Variants in ZNF782 observed in about 807,000 individuals in gnomAD.
The protein encoded by ZNF782 is zinc finger protein 782.
Under a neutral mutation model 13.0 loss-of-function variants are expected in ZNF782, and 12 were observed. That is an observed-to-expected ratio of 0.92 (90% confidence interval 0.59 to 1.50). The LOEUF (loss-of-function observed/expected upper bound fraction) is 1.50. ZNF782 is among the 40% of genes most tolerant of loss of function. ZNF782 has a pLI of 0.00. For missense variants in ZNF782, 770 were observed against 822.9 expected, an observed-to-expected ratio of 0.94 and a Z score of 0.79; for synonymous variants, 284 against 283.0, an observed-to-expected ratio of 1.00 and a Z score of -0.04.
At chr9:96,907,861 G>C in the ZNF782 span, among the ~76,000 whole-genome samples, 2 of 151,546 alleles carry the variant, frequency 1.3e-5, no homozygotes, top group African/African-American at 4.9e-5. Flanking sequence ...GGCTGGTCTC[G>C]AACTCTTGAC....
intron 1 of ZNF782, among the ~76,000 whole-genome samples, chr9:96,863,605 C>T (rs1188529052): frequency 6.6e-6 from 1 of 152,186 alleles, no homozygotes; most frequent in Admixed American, 6.5e-5. Flanking sequence ...AATATGGAGT[C>T]AGCCTAAATG....
At chr9:96,845,325 G>A (rs571777436) in intron 3 of ZNF782, among the ~76,000 whole-genome samples, 2 of 152,160 alleles carry the variant, frequency 1.3e-5, no homozygotes, top group African/African-American at 2.4e-5. Flanking sequence ...CCCATGGTGC[G>A]ATCTCGGCTC....
chr9:96,897,025 T>C, the ZNF782 span, among the ~76,000 whole-genome samples: 1 of 152,216 alleles, frequency 6.6e-6, no homozygotes, highest in Non-Finnish European at 1.5e-5. Flanking sequence ...ACATTGGGCA[T>C]TGTCTGATCC....
At chr9:96,864,341 T>C (rs903348146) in intron 1 of ZNF782, among the ~76,000 whole-genome samples, 1 of 151,982 alleles carries the variant, frequency 6.6e-6, no homozygotes, top group African/African-American at 2.4e-5. Flanking sequence ...TTAAAATATG[T>C]TTTTGGAAAA....
chr9:96,911,521 G>T, the ZNF782 span, among the ~76,000 whole-genome samples: 980 of 109,130 alleles, frequency 9.0e-3, 26 homozygotes, highest in East Asian at 0.11. Context: ...TTTTTGTTTT[G>T]TTTTGTTTTT....
chr9:96,913,809 A>G, the ZNF782 span, among the ~76,000 whole-genome samples: 1 of 151,076 alleles, frequency 6.6e-6, no homozygotes, highest in Non-Finnish European at 1.5e-5. Flanking sequence ...ACAGAACATT[A>G]AACTTTTAAA....
chr9:96,931,684 G>T, the ZNF782 span: 1 of 1,609,044 alleles, frequency 6.2e-7, no homozygotes, highest in Non-Finnish European at 8.5e-7. Flanking sequence ...TGGACCTGGA[G>T]ACGCCAGCTC....
chr9:96,881,040 T>C, the ZNF782 span, among the ~76,000 whole-genome samples: 2 of 152,172 alleles, frequency 1.3e-5, no homozygotes, highest in African/African-American at 2.4e-5. Flanking sequence ...ATTTAAGTTA[T>C]TGAATTTTGG....
At position 96,819,680 on chromosome 9, in the gene ZNF782, G is replaced by C. The variant is rs1334805817; in HGVS notation, c.343C>G (p.Gln115Glu). The change falls in exon 6 of 6, where the codon CAA (glutamine) becomes GAA (glutamate). Residue 115 changes from glutamine (Q) to glutamate (E), a missense_variant. Transcript: ENST00000481138. ...LFTNKLLTTE[Q>E]EISGKPHNRD... ...TTATGTGGTTTTCCTGAAATTTCTT[G>C]CTCTGTAGTCAATAATTTATTGGTG... 15 of 1,613,486 alleles carry C rather than the reference G, an allele frequency of 9.3e-6. No individual in the cohort carries two copies. Among genetic ancestry groups the C allele is most frequent in the Non-Finnish European group, 1.3e-5 (15 of 1,179,924 alleles).
intron 1 of ZNF782, among the ~76,000 whole-genome samples, chr9:96,874,910 G>C (rs1224742633): frequency 2.6e-5 from 4 of 152,192 alleles, no homozygotes; most frequent in Non-Finnish European, 5.9e-5. Flanking sequence ...GTGCCAGAGT[G>C]GCTAGGCGCC....
the ZNF782 span, among the ~76,000 whole-genome samples, chr9:96,887,009 A>G: frequency 1.3e-5 from 2 of 151,768 alleles, no homozygotes; most frequent in African/African-American, 4.8e-5. Context: ...AATGAGACAT[A>G]TGAACAAGAA....
At chr9:96,868,280 T>G (rs1851783252) in intron 1 of ZNF782, among the ~76,000 whole-genome samples, 1 of 152,220 alleles carries the variant, frequency 6.6e-6, no homozygotes, top group African/African-American at 2.4e-5. Context: ...ACTGAAAACT[T>G]TCCTGTATTT....
chr9:96,841,224 T>C (rs1346117469), intron 4 of ZNF782, among the ~76,000 whole-genome samples: 2 of 152,040 alleles, frequency 1.3e-5, no homozygotes, highest in Non-Finnish European at 2.9e-5. Flanking sequence ...TGAATATCCA[T>C]ATATATGACT....
the ZNF782 span, among the ~76,000 whole-genome samples, chr9:96,925,057 C>T: frequency 2.0e-5 from 3 of 152,282 alleles, no homozygotes; most frequent in East Asian, 1.9e-4. Flanking sequence ...CCACGGAGGA[C>T]GCCATGAGAG....
the ZNF782 span, chr9:96,931,945 C>A: frequency 1.9e-6 from 3 of 1,611,948 alleles, no homozygotes; most frequent in Non-Finnish European, 2.5e-6. Context: ...GGGCTTCCAA[C>A]GTCTTTGTCC....
upstream of ZNF782, among the ~76,000 whole-genome samples, chr9:96,877,050 A>C (rs1399254868): frequency 6.6e-6 from 1 of 151,924 alleles, no homozygotes; most frequent in African/African-American, 2.4e-5. Flanking sequence ...TCCCTACTTA[A>C]ACTTTACATG....
chr9:96,858,399 T>G (rs1475891423), upstream of ZNF782, among the ~76,000 whole-genome samples: 1 of 152,058 alleles, frequency 6.6e-6, no homozygotes, highest in Admixed American at 6.6e-5. This position sits in a 1 kb window ranked among gnomAD's most constrained non-coding sequence, Gnocchi z 4.4. Context: ...CACTTTGGGG[T>G]CCTTGAGTTA....
the ZNF782 span, among the ~76,000 whole-genome samples, chr9:96,899,545 T>C: frequency 6.6e-6 from 1 of 152,208 alleles, no homozygotes; most frequent in Non-Finnish European, 1.5e-5. Context: ...ACCAGGTAAT[T>C]TATAAATAAA....
At chr9:96,888,384 C>T in the ZNF782 span, 1 of 152,066 alleles carries the variant, frequency 6.6e-6, no homozygotes, top group East Asian at 1.9e-4. Flanking sequence ...AGAGCAGAGC[C>T]TTAAAATGCA....
Sources: allele counts gnomAD v4.1 joint callset (sites outside exome capture counted in the v4.1 genomes callset), GRCh38; gene constraint gnomAD v4.1.1; non-coding constraint Gnocchi (gnomAD v3.1); transcripts MANE v1.5; gene names NCBI Gene and HGNC (gene_info 2026-07-23, HGNC 2026-07-21).